Variants in PLEKHM2 observed in about 807,000 individuals in gnomAD.
The protein encoded by PLEKHM2 is pleckstrin homology domain-containing family M member 2.
Under a neutral mutation model 116.3 loss-of-function variants are expected in PLEKHM2, and 77 were observed. The ratio of observed to expected loss-of-function variants is 0.66; its 90% CI spans 0.55 to 0.80. The LOEUF (loss-of-function observed/expected upper bound fraction) is 0.80, where lower values mean the gene tolerates loss of function less well. Ranked by LOEUF, PLEKHM2 falls within the 30% of genes least tolerant of loss-of-function variation. The pLI is 0.00. For missense variants in PLEKHM2, 1,183 were observed against 1,354.9 expected (o/e 0.87, Z 1.99); for synonymous variants, 562 against 571.0 (o/e 0.98, Z 0.22).
At chr1:15,723,993 C>G (rs1187997803) in intron 7 of PLEKHM2, among the ~76,000 whole-genome samples, 1 of 152,222 alleles carries the variant, frequency 6.6e-6, no homozygotes. Context: ...GGCCTCAGCT[C>G]TCTGCTTGGG....
chr1:15,706,113 A>T (rs1451123438), intron 1 of PLEKHM2, among the ~76,000 whole-genome samples: 1 of 152,316 alleles, frequency 6.6e-6, no homozygotes, highest in African/African-American at 2.4e-5. Flanking sequence ...GCAGCTTTGT[A>T]ATAGTGACAT....
chr1:15,685,191 AT>A (rs1640743254), intron 1 of PLEKHM2, among the ~76,000 whole-genome samples: 3 of 152,326 alleles, frequency 2.0e-5, no homozygotes, highest in African/African-American at 7.2e-5. Context: ...TGGGGATTGC[AT>A]TTTGGATGCT....
chr1:15,688,161 A>G (rs1640810737), intron 1 of PLEKHM2, among the ~76,000 whole-genome samples: 1 of 152,186 alleles, frequency 6.6e-6, no homozygotes, highest in African/African-American at 2.4e-5. Flanking sequence ...AGCAACCACT[A>G]TCCCCAAGGA....
intron 16 of PLEKHM2, 112 bp from the exon 17 acceptor site, chr1:15,731,777 C>T: frequency 2.2e-6 from 2 of 910,138 alleles, no homozygotes; most frequent in Non-Finnish European, 3.3e-6. Flanking sequence ...CCTCCAGCCC[C>T]CAAGACGGTG....
rs148059685 is a variant in PLEKHM2 at position 15,687,778 on chromosome 1, A to T, written c.60+3160A>T. On this transcript the variant is annotated intron_variant, in intron 1 of 19. Transcript: ENST00000375799. ...TTGAGGACAGCAGTCTTGGGGTCAG[A>T]TTTGTCCTTGAATGCCAGTCTCACC... Among the ~76,000 whole-genome samples the T allele has an allele frequency of 8.2e-4, 125 of 152,256 alleles. 1 individual carries two copies. In the East Asian group the frequency reaches 0.023, roughly 28 times the overall value.
intron 1 of PLEKHM2, among the ~76,000 whole-genome samples, chr1:15,688,593 T>C (rs1640821177): frequency 7.0e-6 from 1 of 143,074 alleles, no homozygotes; most frequent in East Asian, 2.0e-4. Context: ...GAGGTTGCAG[T>C]GAACTGAGAT....
rs2067954849 is a variant in PLEKHM2, at chr1:15,719,315, G to A, written c.466-419G>A. On this transcript the variant is annotated intron_variant, in intron 5 of 19. Transcript: ENST00000375799. The surrounding 1 kb of genome is among the most constrained non-coding windows in gnomAD (Gnocchi z 4.1). ...AAAAATACAAAAGTTAGCGGGGTGT[G>A]GTGATGGGCGCCTATAATCTCAGCT... Among the ~76,000 whole-genome samples the A allele has an allele frequency of 6.6e-6, 1 of 152,154 alleles. No homozygotes were observed. The highest frequency in any genetic ancestry group is 6.5e-5 in the Admixed American group (1 of 15,272).
chr1:15,727,847 C>T lies in PLEKHM2; in HGVS notation c.1760+15C>T, dbSNP rs747308158. ...TCGGAGTTCAGGTAACAAGACTCTG[C>T]AGCTGGCATGGGACTCTCCCAGCCC... On this transcript the variant is annotated intron_variant, in intron 9 of 19. Transcript: ENST00000375799. This position sits in a 1 kb window ranked among gnomAD's most constrained non-coding sequence, Gnocchi z 7.5. 2.6e-6 allele frequency: 4 copies of T among 1,529,640 alleles called. No homozygotes were observed. The highest frequency in any genetic ancestry group is 3.5e-6 in the Non-Finnish European group (4 of 1,130,992). 94.8% of individuals were successfully genotyped at this position (1,529,640 alleles called of 1,614,324 possible).
chr1:15,732,356 C>T lies in PLEKHM2; in HGVS notation c.2632C>T (p.Pro878Ser). The change falls in exon 18 of 20, where the codon CCC becomes TCC. Residue 878 changes from proline to serine, a missense_variant. Pro to Ser is a moderately conservative substitution (Grantham distance 74, BLOSUM62 -1). Transcript: ENST00000375799. ...LCQAVSKGVI[P>S]QGVAPSPCIP... ...TCCCCTGCCCCGCTGCCAGGTCATC[C>T]CCCAGGGCGTAGCTCCCAGCCCCTG... is the stretch of plus-strand genomic sequence containing the variant. The T allele has an allele frequency of 1.9e-6, 3 of 1,552,360 alleles. No individual in the cohort carries two copies. Among genetic ancestry groups the T allele is most frequent in the Non-Finnish European group, 2.6e-6 (3 of 1,147,848 alleles).
At chr1:15,726,421 G>A (rs910062005) in intron 8 of PLEKHM2, among the ~76,000 whole-genome samples, 2 of 152,194 alleles carry the variant, frequency 1.3e-5, no homozygotes, top group African/African-American at 2.4e-5. Context: ...TGAGGCGGGG[G>A]ATTGCTCCCC....
At chr1:15,709,685 C>G (rs1184385498) in intron 1 of PLEKHM2, among the ~76,000 whole-genome samples, 3 of 152,198 alleles carry the variant, frequency 2.0e-5, no homozygotes, top group East Asian at 1.9e-4. Flanking sequence ...CATATACACT[C>G]TTTGTACTGT....
Position 15,718,587 on chromosome 1 carries a change from G to A in PLEKHM2, c.427G>A (p.Val143Met). 6.3e-7 allele frequency: 1 copy of A among 1,578,602 alleles called. No individual in the cohort carries two copies. Among genetic ancestry groups the A allele is most frequent in the Non-Finnish European group, 8.6e-7 (1 of 1,160,698 alleles). Residue 143 changes from valine to methionine, a missense_variant, in exon 5 of 20, where the codon GTG becomes ATG. Val to Met is a conservative substitution (Grantham distance 21). Around this residue, in one of 3 missense-constraint regions of PLEKHM2, gnomAD observed 217 missense variants for 277.6 expected, o/e 0.78. Coordinates refer to ENST00000375799, the MANE Select transcript of PLEKHM2 (RefSeq NM_015164.4). ...TCACCTGACGCTCTTCCTGACCTTGGTGTCCGGGCTAGAGTTCATTCGTTT... is the reference window on the plus strand; with the variant it reads ...TCACCTGACGCTCTTCCTGACCTTGATGTCCGGGCTAGAGTTCATTCGTTT... ...HDHLTLFLTL[V>M]SGLEFIRFEL...
chr1:15,721,524 A>G lies in PLEKHM2; in HGVS notation c.712+136A>G, dbSNP rs975110795. 15 of 592,996 alleles carry G rather than the reference A, an allele frequency of 2.5e-5. No homozygotes were observed. In the African/African-American group the frequency reaches 2.8e-4, roughly 11 times the overall value. 36.7% of individuals were successfully genotyped at this position (592,996 alleles called of 1,614,324 possible). ...ATAATAAAGCCAAGTTTGGTGTTCT[A>G]ATAGATGGAATTCTGCAGTGGGAAA... On this transcript the variant is annotated intron_variant, in intron 7 of 19. Transcript: ENST00000375799. The surrounding 1 kb of genome is among the most constrained non-coding windows in gnomAD (Gnocchi z 5.1).
intron 7 of PLEKHM2, among the ~76,000 whole-genome samples, chr1:15,725,053 C>T (rs2068044092): frequency 6.6e-6 from 1 of 152,178 alleles, no homozygotes. Flanking sequence ...ACCGCGGGGG[C>T]CCTTAACACA....
intron 1 of PLEKHM2, among the ~76,000 whole-genome samples, chr1:15,691,918 G>A (rs1640895316): frequency 6.6e-6 from 1 of 152,126 alleles, no homozygotes; most frequent in African/African-American, 2.4e-5. Context: ...AGACCAGCCT[G>A]TGCAACATAA....
chr1:15,684,903 G>C (rs1640736802), intron 1 of PLEKHM2, among the ~76,000 whole-genome samples: 1 of 152,092 alleles, frequency 6.6e-6, no homozygotes, highest in South Asian at 2.1e-4. Flanking sequence ...CGACCCTCCG[G>C]TCCCCCACTG....
intron 1 of PLEKHM2, among the ~76,000 whole-genome samples, chr1:15,714,758 T>C (rs1173408833): frequency 2.0e-5 from 3 of 152,252 alleles, no homozygotes; most frequent in Non-Finnish European, 1.5e-5. Context: ...AGGTTAAACC[T>C]GAGATCAGGA....
intron 16 of PLEKHM2, 90 bp downstream of exon 16, chr1:15,731,347 C>A: frequency 9.8e-7 from 1 of 1,024,080 alleles, no homozygotes. Flanking sequence ...GCAGTTCAGC[C>A]TCGCCCTCAA....
chr1:15,689,436 C>T (rs1267357869), intron 1 of PLEKHM2, among the ~76,000 whole-genome samples: 5 of 152,030 alleles, frequency 3.3e-5, no homozygotes, highest in African/African-American at 4.8e-5. Context: ...CTGCAAGATG[C>T]GGCTGGAAGG....
Sources: gnomAD v4.1 joint callset for allele counts (sites outside exome capture counted in the v4.1 genomes callset) on GRCh38, gnomAD v4.1.1 for gene constraint, gnomAD v4.1.1 regional missense constraint, Gnocchi (gnomAD v3.1) non-coding constraint, MANE v1.5 for transcripts, NCBI Gene and HGNC (gene_info 2026-07-23, HGNC 2026-07-21) for gene names.